The following FGF12 variants were observed in gnomAD, a reference collection of about 807,000 sequenced individuals.
The protein encoded by FGF12 is fibroblast growth factor 12, also known as fibroblast growth factor 12B.
Under a neutral mutation model 23.6 loss-of-function variants are expected in FGF12, and 14 were observed. That is an observed-to-expected ratio of 0.59 (90% CI 0.39 to 0.93). The LOEUF is 0.93. Among genes scored for constraint, FGF12 ranks in the 40% least tolerant of loss-of-function variants. The probability of loss-of-function intolerance (pLI) is 0.00; values close to 1 mark genes in which losing one functional copy is unlikely to be tolerated. For synonymous variants in FGF12, 62 were observed against 77.3 expected, an observed-to-expected ratio of 0.80 and a Z score of 1.04; for missense variants, 175 against 217.8, an observed-to-expected ratio of 0.80 and a Z score of 1.24.
At chr3:192,311,920 ACTGT>A (rs1404941684) in intron 4 of FGF12, among the ~76,000 whole-genome samples, 1,881 of 129,920 alleles carry the variant, frequency 0.014, 35 homozygotes, top group African/African-American at 0.051. Flanking sequence ...ATTGCTATTG[ACTGT>A]CTGTCTATCT....
chr3:192,471,387 TAGAGA>T (rs1283402018), intron 2 of FGF12, among the ~76,000 whole-genome samples: 3 of 152,194 alleles, frequency 2.0e-5, no homozygotes, highest in Non-Finnish European at 2.9e-5. Context: ...ATAATACTAA[TAGAGA>T]AATTTGCAAA....
At chr3:192,602,763 T>C (rs1714167891) in intron 2 of FGF12, among the ~76,000 whole-genome samples, 2 of 150,680 alleles carry the variant, frequency 1.3e-5, no homozygotes, top group African/African-American at 4.9e-5. Flanking sequence ...TCAATATCCC[T>C]GATTAAGATA....
At chr3:192,693,537 A>G (rs549377048) in intron 2 of FGF12, among the ~76,000 whole-genome samples, 4 of 152,262 alleles carry the variant, frequency 2.6e-5, no homozygotes, top group Middle Eastern at 3.4e-3. Context: ...TAAAAACAAT[A>G]TAGTACTACC....
chr3:192,663,513 C>G (rs927667884), intron 2 of FGF12, among the ~76,000 whole-genome samples: 2 of 152,060 alleles, frequency 1.3e-5, no homozygotes, highest in Admixed American at 1.3e-4. Context: ...AGATGAGTAC[C>G]CTCAGCCAAA....
chr3:192,471,353 T>C (rs1044248281), intron 2 of FGF12, among the ~76,000 whole-genome samples: 5 of 152,214 alleles, frequency 3.3e-5, no homozygotes, highest in Non-Finnish European at 7.3e-5. Flanking sequence ...TTCTCTCCTA[T>C]ATGCAACAAA....
At chr3:192,300,989 A>G (rs1715320263) in intron 4 of FGF12, among the ~76,000 whole-genome samples, 2 of 152,162 alleles carry the variant, frequency 1.3e-5, no homozygotes, top group South Asian at 4.1e-4. Flanking sequence ...GGACAGAGTA[A>G]GATTCTGCCT....
chr3:192,666,773 G>A (rs558587384), intron 2 of FGF12, among the ~76,000 whole-genome samples: 2 of 152,284 alleles, frequency 1.3e-5, no homozygotes, highest in African/African-American at 4.8e-5. Context: ...TTCATAATAA[G>A]CTCACTTCAA....
intron 2 of FGF12, among the ~76,000 whole-genome samples, chr3:192,648,928 T>G (rs1404214189): frequency 6.6e-6 from 1 of 152,130 alleles, no homozygotes; most frequent in Non-Finnish European, 1.5e-5. Context: ...CTCAAATAAA[T>G]CAAGGAACTC....
chr3:192,294,543 A>T (rs1714928463), intron 4 of FGF12, among the ~76,000 whole-genome samples: 2 of 152,162 alleles, frequency 1.3e-5, no homozygotes, highest in South Asian at 4.1e-4. Context: ...AAGAAACAAA[A>T]CAACCTAGGT....
chr3:192,505,783 G>T (rs558051111), intron 2 of FGF12, among the ~76,000 whole-genome samples: 6 of 152,168 alleles, frequency 3.9e-5, no homozygotes, highest in African/African-American at 1.4e-4. Flanking sequence ...TTATAAATCT[G>T]GGAAGGAGAT....
chr3:192,164,038 T>C (rs985449794), intron 5 of FGF12, among the ~76,000 whole-genome samples: 1 of 152,138 alleles, frequency 6.6e-6, no homozygotes, highest in Non-Finnish European at 1.5e-5. Flanking sequence ...CAGACTTTTT[T>C]TTTCAGAAGG....
intron 2 of FGF12, among the ~76,000 whole-genome samples, chr3:192,680,938 G>A (rs1208515834): frequency 6.6e-6 from 1 of 152,184 alleles, no homozygotes; most frequent in East Asian, 1.9e-4. Context: ...CTCTAAATGA[G>A]ACTAAATAAT....
chr3:192,314,933 A>T (rs1466725320), intron 4 of FGF12, among the ~76,000 whole-genome samples: 1 of 152,202 alleles, frequency 6.6e-6, no homozygotes, highest in Non-Finnish European at 1.5e-5. Flanking sequence ...AGGTGCCACC[A>T]ATAATTATAC....
intron 2 of FGF12, among the ~76,000 whole-genome samples, chr3:192,518,378 A>C (rs1399213728): frequency 6.6e-6 from 1 of 152,152 alleles, no homozygotes; most frequent in Non-Finnish European, 1.5e-5. Context: ...AAAAATAATT[A>C]CTAAGAGTTT....
intron 2 of FGF12, among the ~76,000 whole-genome samples, chr3:192,714,127 T>TA (rs1718784007): frequency 6.6e-6 from 1 of 151,850 alleles, no homozygotes; most frequent in Non-Finnish European, 1.5e-5. Flanking sequence ...TATTTAGTAG[T>TA]AAAAACAACT....
chr3:192,577,685 G>T (rs1471493050), intron 2 of FGF12, among the ~76,000 whole-genome samples: 2 of 152,156 alleles, frequency 1.3e-5, no homozygotes, highest in Non-Finnish European at 2.9e-5. Context: ...AAAATAATTT[G>T]TCATTATATA....
chr3:192,714,513 ATTTTTTTT>A (rs770781442), intron 2 of FGF12, among the ~76,000 whole-genome samples: 1 of 99,738 alleles, frequency 1.0e-5, no homozygotes, highest in Non-Finnish European at 1.9e-5. Flanking sequence ...TAAGGAAATA[ATTTTTTTT>A]TTTTTTTTTT....
intron 2 of FGF12, among the ~76,000 whole-genome samples, chr3:192,479,752 T>C (rs1206435355): frequency 6.6e-6 from 1 of 152,200 alleles, no homozygotes; most frequent in Non-Finnish European, 1.5e-5. Context: ...TTTCTGGAGT[T>C]TGCACAATTT....
At chr3:192,700,631 A>T (rs1331347148) in intron 2 of FGF12, among the ~76,000 whole-genome samples, 2 of 152,202 alleles carry the variant, frequency 1.3e-5, no homozygotes, top group Non-Finnish European at 2.9e-5. Context: ...ACTGTACAAT[A>T]TGAAAACCAG....
Sources: gnomAD v4.1 joint callset for allele counts (sites outside exome capture counted in the v4.1 genomes callset) on GRCh38, gnomAD v4.1.1 for gene constraint, MANE v1.5 for transcripts, NCBI Gene and HGNC (gene_info 2026-07-23, HGNC 2026-07-21) for gene names.